The following PRKN variants were observed in gnomAD, a reference collection of about 807,000 sequenced individuals.
PRKN encodes the protein E3 ubiquitin-protein ligase parkin.
Under a neutral mutation model 59.5 loss-of-function variants are expected in PRKN, and 56 were observed. The ratio of observed to expected loss-of-function variants is 0.94; its 90% CI spans 0.76 to 1.18. PRKN has a LOEUF of 1.18. Among genes scored for constraint, PRKN ranks in the 50% most tolerant of loss-of-function variants. The pLI is 0.00. For missense variants in PRKN, 657 were observed against 596.4 expected (o/e 1.10, Z -1.06); for synonymous variants, 250 against 222.1 (o/e 1.13, Z -1.12).
At chr6:161,967,798 T>A (rs1438248703) in intron 6 of PRKN, among the ~76,000 whole-genome samples, 1 of 152,106 alleles carries the variant, frequency 6.6e-6, no homozygotes, top group Non-Finnish European at 1.5e-5. Context: ...GCATTTTCCT[T>A]AAAAGGGGGA....
At chr6:162,449,210 C>T (rs1329639774) in intron 1 of PRKN, among the ~76,000 whole-genome samples, 6 of 150,528 alleles carry the variant, frequency 4.0e-5, no homozygotes, top group Non-Finnish European at 5.9e-5. Context: ...CAGATAATTG[C>T]ATCTACTAGC....
At chr6:162,001,427 C>G (rs577239728) in intron 5 of PRKN, among the ~76,000 whole-genome samples, 1 of 151,938 alleles carries the variant, frequency 6.6e-6, no homozygotes. Context: ...TATGTTATTG[C>G]GTTCTTAATC....
rs544144756 is a variant in PRKN at position 162,144,886 on chromosome 6, G to A, written c.534+56245C>T. ...TAAGGCTACGGTGGAGTGAAACGAC[G>A]AGGATGAACGTAAAAGGCCTAGTAC... On this transcript the variant is annotated intron_variant, in intron 4 of 11. Coordinates refer to ENST00000366898, the MANE Select transcript of PRKN (RefSeq NM_004562.3). Among the ~76,000 whole-genome samples the A allele has an allele frequency of 4.6e-5, 7 of 152,196 alleles. No individual in the cohort carries two copies. In the East Asian group the frequency reaches 9.7e-4, roughly 21 times the overall value.
At chr6:162,680,348 G>GTA (rs537043455) in intron 1 of PRKN, among the ~76,000 whole-genome samples, 1 of 150,420 alleles carries the variant, frequency 6.6e-6, no homozygotes, top group Non-Finnish European at 1.5e-5. Context: ...GTATGTGTGT[G>GTA]TATATATATA....
intron 9 of PRKN, among the ~76,000 whole-genome samples, chr6:161,511,733 C>T (rs62436447): frequency 2.6e-5 from 4 of 151,904 alleles, no homozygotes; most frequent in African/African-American, 4.8e-5. Flanking sequence ...TGCAGCATTC[C>T]AAGGCCAGGG....
At chr6:162,065,814 C>T (rs761505565) in intron 4 of PRKN, among the ~76,000 whole-genome samples, 2 of 152,028 alleles carry the variant, frequency 1.3e-5, no homozygotes, top group Non-Finnish European at 2.9e-5. Flanking sequence ...AGTGAGAACA[C>T]GCGGTGTTTG....
Position 161,355,182 on chromosome 6 carries a change from G to C in PRKN, c.1285+4906C>G, listed in dbSNP as rs1320456946. Among the ~76,000 whole-genome samples the C allele has an allele frequency of 1.3e-5, 2 of 152,204 alleles. No homozygotes were observed. Among genetic ancestry groups the C allele is most frequent in the Non-Finnish European group, 2.9e-5 (2 of 68,042 alleles). On this transcript the variant is annotated intron_variant, in intron 11 of 11. Coordinates refer to ENST00000366898, the MANE Select transcript of PRKN (RefSeq NM_004562.3). This position sits in a 1 kb window ranked among gnomAD's most constrained non-coding sequence, Gnocchi z 6.8. ...CGGCGCGCGCACACCCGGTGTCTTT[G>C]CTCATGCAGTCCTGGGGCCTAGGAC...
At chr6:161,625,058 C>G (rs934990127) in intron 7 of PRKN, among the ~76,000 whole-genome samples, 1 of 152,156 alleles carries the variant, frequency 6.6e-6, no homozygotes, top group East Asian at 1.9e-4. Flanking sequence ...CAGGAAAAGT[C>G]CTATGCCCTT....
chr6:161,395,264 A>G lies in PRKN; in HGVS notation c.1084-8387T>C. ...ACTCTGCTTGTTGGTTTTTCGTTTA[A>G]TGCATGCTACAGATGGCTGTCTATT... On this transcript the variant is annotated intron_variant, in intron 9 of 11. Transcript: ENST00000366898. This position sits in a 1 kb window ranked among gnomAD's most constrained non-coding sequence, Gnocchi z 5.0. Among the ~76,000 whole-genome samples, 1 of 152,138 alleles carries G rather than the reference A, an allele frequency of 6.6e-6. No individual in the cohort carries two copies. The highest frequency in any genetic ancestry group is 1.9e-4 in the East Asian group (1 of 5,184).
At chr6:161,970,037 T>A (rs982848020) in intron 6 of PRKN, among the ~76,000 whole-genome samples, 2 of 152,134 alleles carry the variant, frequency 1.3e-5, no homozygotes, top group African/African-American at 2.4e-5. Context: ...GAAAATTTAT[T>A]ATGATTTTCA....
intron 6 of PRKN, among the ~76,000 whole-genome samples, chr6:161,964,323 G>A (rs752012330): frequency 4.1e-4 from 62 of 152,108 alleles, no homozygotes; most frequent in Non-Finnish European, 7.6e-4. Flanking sequence ...GAATCTCAAA[G>A]GGAGCATGGT....
chr6:162,053,939 G>A (rs1266588218), intron 5 of PRKN, 152 bp downstream of exon 5: 3 of 702,788 alleles, frequency 4.3e-6, no homozygotes, highest in African/African-American at 1.7e-5. Context: ...TTTGGTGAAT[G>A]TAATTAACCT....
intron 1 of PRKN, among the ~76,000 whole-genome samples, chr6:162,515,728 T>C (rs1261027051): frequency 1.3e-5 from 2 of 152,182 alleles, no homozygotes; most frequent in African/African-American, 2.4e-5. Context: ...CCCCCATCTC[T>C]AATTATGTCT....
At position 161,620,245 on chromosome 6, in the gene PRKN, G is replaced by A. The variant is rs6903329; in HGVS notation, c.872-50829C>T. On this transcript the variant is annotated intron_variant, in intron 7 of 11. Coordinates refer to ENST00000366898, the MANE Select transcript of PRKN (RefSeq NM_004562.3). ...TTGAACTCCTGACCTCAGGTGATCC[G>A]CCCGCCTCGGCCTCCCAAAGTGCTG... is the stretch of plus-strand genomic sequence containing the variant. Among the ~76,000 whole-genome samples, 622 of 150,182 alleles carry A rather than the reference G, an allele frequency of 4.1e-3. 3 individuals are homozygous for A. The highest frequency in any genetic ancestry group is 0.014 in the African/African-American group (566 of 40,880).
intron 1 of PRKN, among the ~76,000 whole-genome samples, chr6:162,663,248 T>C (rs115193100): frequency 6.6e-6 from 1 of 152,124 alleles, no homozygotes; most frequent in African/African-American, 2.4e-5. Flanking sequence ...GCAGGCACCA[T>C]TACTATCTCA....
intron 7 of PRKN, among the ~76,000 whole-genome samples, chr6:161,652,444 A>G (rs1030481912): frequency 1.3e-5 from 2 of 152,224 alleles, no homozygotes; most frequent in Non-Finnish European, 2.9e-5. Flanking sequence ...TATCAAGTAG[A>G]CTATAGTATT....
At position 161,463,033 on chromosome 6, in the gene PRKN, ATACT is replaced by A. The variant is rs1382777263; in HGVS notation, c.1084-76160_1084-76157del. On this transcript the variant is annotated intron_variant, in intron 9 of 11. Coordinates refer to ENST00000366898, the MANE Select transcript of PRKN (RefSeq NM_004562.3). This position sits in a 1 kb window ranked among gnomAD's most constrained non-coding sequence, Gnocchi z 4.8. ...AGCAACAGGAAAGTCAGAGAGATAA[ATACT>A]TACATAAATACTAAATAGAGAAAAA... 6.6e-6 allele frequency among the ~76,000 whole-genome samples: 1 copy of A among 152,220 alleles called. No homozygotes were observed. The highest frequency in any genetic ancestry group is 1.5e-5 in the Non-Finnish European group (1 of 68,040).
chr6:162,543,895 C>T (rs1204020196), intron 1 of PRKN, among the ~76,000 whole-genome samples: 4 of 152,132 alleles, frequency 2.6e-5, no homozygotes, highest in Admixed American at 2.0e-4. Flanking sequence ...AGAAGAGAGC[C>T]GTCCTAGGCC....
intron 2 of PRKN, among the ~76,000 whole-genome samples, chr6:162,265,573 C>T (rs1230391250): frequency 1.3e-5 from 2 of 152,174 alleles, no homozygotes; most frequent in Admixed American, 6.5e-5. Flanking sequence ...TGCCTGTAAT[C>T]CCAGCTACTC....
Sources: gnomAD v4.1 joint callset for allele counts (sites outside exome capture counted in the v4.1 genomes callset) on GRCh38, gnomAD v4.1.1 for gene constraint, Gnocchi (gnomAD v3.1) non-coding constraint, MANE v1.5 for transcripts, NCBI Gene and HGNC (gene_info 2026-07-23, HGNC 2026-07-21) for gene names.